The following ZNF397 variants were observed in gnomAD, a reference collection of about 807,000 sequenced individuals.
The protein encoded by ZNF397 is zinc finger protein 397.
In ZNF397, 38 loss-of-function variants were observed where a neutral mutation model predicts 50.6. That is an observed-to-expected ratio of 0.75 (90% CI 0.58 to 0.98). The LOEUF (loss-of-function observed/expected upper bound fraction) is 0.98. Ranked by LOEUF, ZNF397 falls within the 50% of genes least tolerant of loss-of-function variation. ZNF397 has a pLI of 0.00. For missense variants in ZNF397, 624 were observed against 624.1 expected, an observed-to-expected ratio of 1.00 and a Z score of 0.00; for synonymous variants, 228 against 215.2, an observed-to-expected ratio of 1.06 and a Z score of -0.52.
At chr18:35,256,679 G>A (rs1361183067) in intron 5 of ZNF397, among the ~76,000 whole-genome samples, 1 of 152,200 alleles carries the variant, frequency 6.6e-6, no homozygotes, top group Non-Finnish European at 1.5e-5. Context: ...CTGGAGGCTG[G>A]AGGGTGGGGT....
chr18:35,243,954 A>G (rs2143586889), intron 3 of ZNF397: 1 of 156,322 alleles, frequency 6.4e-6, no homozygotes, highest in South Asian at 2.0e-4. Flanking sequence ...ATTTGTTTGT[A>G]TAGTTTCTTA....
At chr18:35,250,854 A>G (rs1382191953), downstream of ZNF397, among the ~76,000 whole-genome samples, 9 of 152,166 alleles carry the variant, frequency 5.9e-5, no homozygotes, top group East Asian at 1.7e-3. Context: ...TCCAACAACA[A>G]CTAAATCTCA....
At chr18:35,252,099 A>T (rs1188308002), downstream of ZNF397, 1 of 152,178 alleles carries the variant, frequency 6.6e-6, no homozygotes, top group Non-Finnish European at 1.5e-5. Flanking sequence ...CTCCAGCAGG[A>T]ATTAGTTGTC....
rs1397260168 is a variant in ZNF397, at chr18:35,248,553, TA to T, written c.*2244del. On this transcript the variant is annotated 3_prime_UTR_variant, in exon 4 of 4. Coordinates refer to ENST00000330501, the MANE Select transcript of ZNF397 (RefSeq NM_001135178.3). ...TACTGTATGTCAGAAAGCAATGTAA[TA>T]GATAGACCAAGCACAGTGGCTCACA... is the stretch of plus-strand genomic sequence containing the variant. 7 of 152,144 alleles carry T rather than the reference TA, an allele frequency of 4.6e-5. No individual in the cohort carries two copies. The highest frequency in any genetic ancestry group is 1.0e-4 in the Non-Finnish European group (7 of 68,014). The allele number at this position is 152,144 out of a possible 1,614,324, so 9.4% of individuals were successfully genotyped here. A position where few individuals can be genotyped will look rare whatever the true frequency, so the allele number is the denominator to read the frequency against.
Position 35,245,337 on chromosome 18 carries a change from C to A in ZNF397, c.632C>A (p.Ser211Ter), listed in dbSNP as rs776608659. 6.2e-7 allele frequency: 1 copy of A among 1,613,056 alleles called. No homozygotes were observed. Among genetic ancestry groups the A allele is most frequent in the South Asian group, 1.1e-5 (1 of 90,856 alleles). Residue 211 changes from serine to a stop codon, truncating the protein, a stop_gained, in exon 4 of 4, where the codon TCA (serine) becomes TAA (stop). Transcript: ENST00000330501. LOFTEE classifies it high-confidence loss of function. ...EKSQGLPQEP[S>*]FRGISEHESN... is the part of the protein sequence containing the mutation. ...TCACAGGGACTCCCTCAGGAACCTT[C>A]ATTTCGAGGAATTAGTGAGCATGAA...
chr18:35,259,072 C>G (rs540749857), downstream of ZNF397: 1 of 153,184 alleles, frequency 6.5e-6, no homozygotes, highest in Non-Finnish European at 1.5e-5. Flanking sequence ...CAAAATACCA[C>G]AGAATGGGTG....
At chr18:35,242,161 C>T (rs74507570) in intron 1 of ZNF397, among the ~76,000 whole-genome samples, 2,825 of 152,272 alleles carry the variant, frequency 0.019, 86 homozygotes, top group African/African-American at 0.064. Context: ...CATTCACATT[C>T]TTAGGCTTCT....
downstream of ZNF397, chr18:35,252,117 C>T (rs1247607554): frequency 1.3e-5 from 2 of 152,194 alleles, no homozygotes; most frequent in Non-Finnish European, 2.9e-5. Flanking sequence ...GTCATAAAGC[C>T]TGGCTCAGAA....
rs1337825445 is a variant in ZNF397, at chr18:35,246,627, G to T, written c.*317G>T. ...AAGTGTCATGAATATAGCAACCCAG[G>T]CTCTGTCACTGCATCTGATTGTTAG... On this transcript the variant is annotated 3_prime_UTR_variant, in exon 4 of 4. Transcript: ENST00000330501. 3.8e-5 allele frequency: 41 copies of T among 1,074,960 alleles called. No individual in the cohort carries two copies. Among genetic ancestry groups the T allele is most frequent in the Non-Finnish European group, 4.2e-5 (37 of 886,610 alleles). 66.6% of individuals were successfully genotyped at this position (1,074,960 alleles called of 1,614,324 possible).
intron 2 of ZNF397, 24 bp from the exon 3 acceptor site, chr18:35,243,128 C>G: frequency 6.2e-7 from 1 of 1,613,324 alleles, no homozygotes; most frequent in Non-Finnish European, 8.5e-7. Flanking sequence ...TCTCACAAAG[C>G]TAACCATATT....
downstream of ZNF397, chr18:35,253,734 T>TA: frequency 1.2e-6 from 2 of 1,614,200 alleles, no homozygotes; most frequent in South Asian, 2.2e-5. Flanking sequence ...TTATGCTGAA[T>TA]AAGGGCTGAG....
Position 35,242,449 on chromosome 18 carries a change from TGCTAA to T in ZNF397, c.-18_-14del. 6.2e-7 allele frequency: 1 copy of T among 1,600,746 alleles called. No individual in the cohort carries two copies. The highest frequency in any genetic ancestry group is 1.7e-5 in the Admixed American group (1 of 58,348). ...ACAGAACCAGTTGTACTGAGCTTTT[TGCTAA>T]GCTGTTTCAGCCAAGAATGGCTGTG... On this transcript the variant is annotated 5_prime_UTR_variant, in exon 2 of 4. Transcript: ENST00000330501.
intron 5 of ZNF397, chr18:35,256,125 T>C (rs4799376): frequency 0.78 from 119,329 of 152,360 alleles, 48,343 homozygotes; most frequent in Non-Finnish European, 0.89. Flanking sequence ...ATTATGAGAC[T>C]AGAGAAAAAT....
Position 35,243,137 on chromosome 18 carries a change from T to C in ZNF397, c.415-15T>C. 6.2e-7 allele frequency: 1 copy of C among 1,613,860 alleles called. No individual in the cohort carries two copies. Among genetic ancestry groups the C allele is most frequent in the Non-Finnish European group, 8.5e-7 (1 of 1,179,918 alleles). ...GGATTTTCTCACAAAGCTAACCATATTTTACTGATTTCAGGTCCCAGCTAG... is the reference window on the plus strand; with the variant it reads ...GGATTTTCTCACAAAGCTAACCATACTTTACTGATTTCAGGTCCCAGCTAG... On this transcript the variant is annotated splice_polypyrimidine_tract_variant and intron_variant, in intron 2 of 3. Coordinates refer to ENST00000330501, the MANE Select transcript of ZNF397 (RefSeq NM_001135178.3).
At chr18:35,255,221 T>C (rs1197385453) in intron 5 of ZNF397, among the ~76,000 whole-genome samples, 1 of 151,304 alleles carries the variant, frequency 6.6e-6, no homozygotes, top group Non-Finnish European at 1.5e-5. Flanking sequence ...TCTCCTGTTA[T>C]GAGTTACTGG....
downstream of ZNF397, chr18:35,258,869 C>CAAAAAAAAAAAAAA (rs71166053): frequency 9.8e-5 from 3 of 30,648 alleles, no homozygotes; most frequent in Non-Finnish European, 1.2e-4. Flanking sequence ...GACTCCATCT[C>CAAAAAAAAAAAAAA]AAAAAAAAAA....
chr18:35,246,304 A>T lies in ZNF397; in HGVS notation c.1599A>T (p.Ile533=), dbSNP rs763296249. 6.5e-7 allele frequency: 1 copy of T among 1,532,726 alleles called. No individual in the cohort carries two copies. The highest frequency in any genetic ancestry group is 8.8e-7 in the Non-Finnish European group (1 of 1,139,914). The allele number at this position is 1,532,726 out of a possible 1,614,324, so 94.9% of individuals were successfully genotyped here. Residue 533 remains isoleucine, a synonymous_variant, in exon 4 of 4, where the codon ATA becomes ATT. Transcript: ENST00000330501. Reference sequence around the variant, plus strand: ...TGCGCCATCAAAGAGTCCACACTATAAAGTAATTTGTGAATACTGTGAATA... The same window carrying T: ...TGCGCCATCAAAGAGTCCACACTATTAAGTAATTTGTGAATACTGTGAATA... The part of the protein sequence containing the change: ...VLMRHQRVHT[I]K
At chr18:35,254,269 T>A (rs201537731), downstream of ZNF397, 3 of 1,614,144 alleles carry the variant, frequency 1.9e-6, no homozygotes, top group East Asian at 6.7e-5. Context: ...CAGCTATCCG[T>A]TGGGAATGTG....
chr18:35,258,932 A>AG (rs1347513248), downstream of ZNF397: 3 of 150,950 alleles, frequency 2.0e-5, no homozygotes, highest in African/African-American at 7.4e-5. Flanking sequence ...ACTGCATTCA[A>AG]GTATAGATTG....
Sources: allele counts gnomAD v4.1 joint callset (sites outside exome capture counted in the v4.1 genomes callset), GRCh38; gene constraint gnomAD v4.1.1; transcripts MANE v1.5; gene names NCBI Gene and HGNC (gene_info 2026-07-23, HGNC 2026-07-21).